RNF180: variants seen among roughly 807,000 people sequenced by gnomAD.
The protein encoded by RNF180 is ring finger protein 180, also known as E3 ubiquitin-protein ligase RNF180.
In RNF180, 38 loss-of-function variants were observed where a neutral mutation model predicts 59.2. The ratio of observed to expected loss-of-function variants is 0.64; its 90% CI spans 0.50 to 0.84. The LOEUF is 0.84. Ranked by LOEUF, RNF180 falls within the 40% of genes least tolerant of loss-of-function variation. RNF180 has a pLI of 0.00. For synonymous variants in RNF180, 262 were observed against 240.3 expected (o/e 1.09, Z -0.84); for missense variants, 705 against 700.9 (o/e 1.01, Z -0.07).
intron 5 of RNF180, among the ~76,000 whole-genome samples, chr5:64,245,243 G>T (rs529554453): frequency 6.6e-6 from 1 of 152,204 alleles, no homozygotes; most frequent in African/African-American, 2.4e-5. Context: ...GCATAATAAC[G>T]ACAGGATCAA....
At chr5:64,303,908 C>T (rs532247298) in intron 5 of RNF180, among the ~76,000 whole-genome samples, 1 of 151,698 alleles carries the variant, frequency 6.6e-6, no homozygotes, top group Admixed American at 6.6e-5. Context: ...CAATGCCTGA[C>T]TTCAAAGGAT....
intron 5 of RNF180, among the ~76,000 whole-genome samples, chr5:64,252,337 A>T (rs552348430): frequency 5.8e-4 from 89 of 152,250 alleles, no homozygotes; most frequent in African/African-American, 2.1e-3. Context: ...ACAAAATTTC[A>T]GTTAGGAGAA....
chr5:64,171,266 T>G (rs1040192835), intron 1 of RNF180, among the ~76,000 whole-genome samples: 6 of 152,210 alleles, frequency 3.9e-5, no homozygotes, highest in Admixed American at 3.9e-4. Flanking sequence ...CTAGACTGTT[T>G]GTAAAAATTT....
intron 1 of RNF180, among the ~76,000 whole-genome samples, chr5:64,191,838 A>G (rs986680321): frequency 6.6e-6 from 1 of 152,122 alleles, no homozygotes; most frequent in Non-Finnish European, 1.5e-5. Flanking sequence ...TTGCCTGTCC[A>G]TTTTGTGTCA....
intron 5 of RNF180, among the ~76,000 whole-genome samples, chr5:64,257,183 A>G (rs1231077283): frequency 6.6e-6 from 1 of 152,162 alleles, no homozygotes; most frequent in East Asian, 1.9e-4. Flanking sequence ...TCCTAATTGA[A>G]TACCCTTTAT....
chr5:64,217,143 G>A (rs1178549427), intron 4 of RNF180, among the ~76,000 whole-genome samples: 4 of 152,106 alleles, frequency 2.6e-5, no homozygotes, highest in Admixed American at 6.5e-5. Flanking sequence ...CTTTTACTCA[G>A]TAAAATTGCC....
intron 1 of RNF180, among the ~76,000 whole-genome samples, chr5:64,167,447 A>C (rs1749706667): frequency 6.6e-6 from 1 of 152,058 alleles, no homozygotes; most frequent in Non-Finnish European, 1.5e-5. Context: ...TGGTTTTTCA[A>C]AGTGAAGATT....
In RNF180 at chr5:64,353,523, A is replaced by C. The variant is rs1254894518; in HGVS notation, c.1580-16092A>C. 3.3e-5 allele frequency among the ~76,000 whole-genome samples: 5 copies of C among 151,912 alleles called. No homozygotes were observed. The East Asian group carries it at 9.7e-4, about 29-fold the overall frequency. The stretch of plus-strand genomic sequence containing the variant: ...GTATTCTGGAAACAAAATAAGAAAT[A>C]AGTCGTATTTAGCCTAATTGTGTCC... On this transcript the variant is annotated intron_variant, in intron 7 of 7. Transcript: ENST00000389100.
intron 7 of RNF180, among the ~76,000 whole-genome samples, chr5:64,332,421 A>C (rs543074634): frequency 4.6e-5 from 7 of 152,308 alleles, no homozygotes; most frequent in African/African-American, 1.7e-4. Context: ...AGAGATGTGC[A>C]GTGGTCAAGG....
intron 5 of RNF180, among the ~76,000 whole-genome samples, chr5:64,305,383 T>G: frequency 6.6e-6 from 1 of 151,722 alleles, no homozygotes; most frequent in South Asian, 2.1e-4. Flanking sequence ...TCTTCCTTTG[T>G]TGATGTTTGA....
chr5:64,196,190 GTT>G (rs375790160), intron 1 of RNF180, among the ~76,000 whole-genome samples: 5 of 146,636 alleles, frequency 3.4e-5, no homozygotes, highest in Admixed American at 1.4e-4. Context: ...CAGGCACTTA[GTT>G]TTTTTTTTTT....
intron 5 of RNF180, among the ~76,000 whole-genome samples, chr5:64,282,749 T>G (rs890413124): frequency 6.6e-6 from 1 of 152,218 alleles, no homozygotes; most frequent in Non-Finnish European, 1.5e-5. Context: ...CTCATTTGTT[T>G]TAAATAATTT....
intron 5 of RNF180, among the ~76,000 whole-genome samples, chr5:64,258,116 T>A (rs1363818944): frequency 6.6e-6 from 1 of 152,072 alleles, no homozygotes; most frequent in Non-Finnish European, 1.5e-5. Context: ...AGTTGACAAG[T>A]GAGGCTGAGA....
chr5:64,292,079 T>A (rs755952985), intron 5 of RNF180, among the ~76,000 whole-genome samples: 9 of 152,180 alleles, frequency 5.9e-5, no homozygotes, highest in Non-Finnish European at 1.2e-4. Flanking sequence ...GAGAACATGC[T>A]CCTTTAGCTT....
intron 2 of RNF180, among the ~76,000 whole-genome samples, chr5:64,211,019 A>C (rs1222239379): frequency 6.6e-6 from 1 of 151,930 alleles, no homozygotes; most frequent in Non-Finnish European, 1.5e-5. Context: ...TTGGTTGGGG[A>C]ATGAGGGATG....
intron 5 of RNF180, among the ~76,000 whole-genome samples, chr5:64,290,776 G>T (rs1438639560): frequency 6.6e-6 from 1 of 152,104 alleles, no homozygotes; most frequent in Non-Finnish European, 1.5e-5. Context: ...GTCTTTGCAT[G>T]TGAGATGGGT....
At chr5:64,359,695 C>G (rs1030489601) in intron 7 of RNF180, among the ~76,000 whole-genome samples, 24 of 149,932 alleles carry the variant, frequency 1.6e-4, no homozygotes, top group Admixed American at 2.7e-4. Context: ...GTGTTTTAGA[C>G]ATGAAGTCCT....
chr5:64,282,939 T>G (rs1382907646), intron 5 of RNF180, among the ~76,000 whole-genome samples: 1 of 152,204 alleles, frequency 6.6e-6, no homozygotes, highest in South Asian at 2.1e-4. Flanking sequence ...TATTTTAGAG[T>G]ATGTGCCATA....
At chr5:64,269,370 T>G (rs1387930014) in intron 5 of RNF180, among the ~76,000 whole-genome samples, 2 of 152,112 alleles carry the variant, frequency 1.3e-5, no homozygotes, top group East Asian at 3.9e-4. Context: ...AGAGGAAGTG[T>G]GTGATAGTTT....
Sources: gnomAD v4.1 joint callset for allele counts (sites outside exome capture counted in the v4.1 genomes callset) on GRCh38, gnomAD v4.1.1 for gene constraint, MANE v1.5 for transcripts, NCBI Gene and HGNC (gene_info 2026-07-23, HGNC 2026-07-21) for gene names.